The following GOLPH3L variants were observed in gnomAD, a reference collection of about 807,000 sequenced individuals.
GOLPH3L encodes Golgi phosphoprotein 3-like.
Under a neutral mutation model 30.3 loss-of-function variants are expected in GOLPH3L, and 22 were observed. The ratio of observed to expected loss-of-function variants is 0.73; its 90% CI spans 0.52 to 1.04. The LOEUF (loss-of-function observed/expected upper bound fraction) is 1.04, where lower values mean the gene tolerates loss of function less well. GOLPH3L is among the 50% of genes least tolerant of loss of function. The pLI, the probability that GOLPH3L is intolerant of heterozygous loss-of-function variation, is 0.00. For synonymous variants in GOLPH3L, 120 were observed against 128.2 expected, an observed-to-expected ratio of 0.94 and a Z score of 0.43; for missense variants, 303 against 345.8, an observed-to-expected ratio of 0.88 and a Z score of 0.98.
chr1:150,670,586 G>A (rs1476580266), intron 2 of GOLPH3L, among the ~76,000 whole-genome samples: 1 of 152,164 alleles, frequency 6.6e-6, no homozygotes, highest in Non-Finnish European at 1.5e-5. Flanking sequence ...TACAGAGCAA[G>A]ACTCTGTCTC....
At chr1:150,674,418 G>A (rs927348392) in intron 2 of GOLPH3L, among the ~76,000 whole-genome samples, 1 of 151,944 alleles carries the variant, frequency 6.6e-6, no homozygotes. Context: ...ATGTCACTAG[G>A]CCTAGCTAAT....
intron 2 of GOLPH3L, among the ~76,000 whole-genome samples, chr1:150,671,494 T>G (rs1409369920): frequency 6.6e-6 from 1 of 151,774 alleles, no homozygotes; most frequent in Non-Finnish European, 1.5e-5. Flanking sequence ...ATCTTAAAAG[T>G]TGCCTGCTTG....
intron 2 of GOLPH3L, among the ~76,000 whole-genome samples, chr1:150,692,325 A>G (rs2101822362): frequency 6.6e-6 from 1 of 152,320 alleles, no homozygotes; most frequent in South Asian, 2.1e-4. Context: ...ATGAAAGCTA[A>G]ATATTTGTTA....
chr1:150,669,000 A>C (rs1157976654), intron 2 of GOLPH3L, among the ~76,000 whole-genome samples: 1 of 152,214 alleles, frequency 6.6e-6, no homozygotes, highest in Non-Finnish European at 1.5e-5. Flanking sequence ...AGAAATGATG[A>C]AGATCAGGAT....
chr1:150,649,168 A>T (rs1437906827), intron 4 of GOLPH3L, among the ~76,000 whole-genome samples: 1 of 152,214 alleles, frequency 6.6e-6, no homozygotes, highest in Non-Finnish European at 1.5e-5. Flanking sequence ...CAGGCCTGGT[A>T]GGCTGACAAT....
At chr1:150,674,491 G>A (rs1650725201) in intron 2 of GOLPH3L, among the ~76,000 whole-genome samples, 1 of 152,024 alleles carries the variant, frequency 6.6e-6, no homozygotes, top group Non-Finnish European at 1.5e-5. Flanking sequence ...TCGAACTCCT[G>A]ACCTCAGGTG....
chr1:150,678,284 CAAAAAA>C (rs75131824), intron 2 of GOLPH3L, among the ~76,000 whole-genome samples: 9 of 45,922 alleles, frequency 2.0e-4, no homozygotes, highest in Non-Finnish European at 3.7e-4. Context: ...AACTCCGTCT[CAAAAAA>C]AAAAAAAAAA....
chr1:150,653,964 T>C (rs111609078), intron 4 of GOLPH3L, among the ~76,000 whole-genome samples: 56,849 of 150,994 alleles, frequency 0.38, 10,967 homozygotes, highest in South Asian at 0.54. Context: ...GGTTTCACCA[T>C]GTTGGCCAGG....
chr1:150,652,248 G>T (rs1650118804), intron 4 of GOLPH3L, among the ~76,000 whole-genome samples: 1 of 151,714 alleles, frequency 6.6e-6, no homozygotes, highest in African/African-American at 2.4e-5. Flanking sequence ...AGGTGTGGTG[G>T]CATGCACTTG....
intron 4 of GOLPH3L, among the ~76,000 whole-genome samples, chr1:150,653,175 CA>C (rs757485843): frequency 0.023 from 1,719 of 76,256 alleles, 21 homozygotes; most frequent in African/African-American, 0.062. Flanking sequence ...GCCAAAAAAA[CA>C]AAAAAAAAAA....
At chr1:150,679,524 C>T (rs1347674598) in intron 2 of GOLPH3L, among the ~76,000 whole-genome samples, 3 of 152,116 alleles carry the variant, frequency 2.0e-5, no homozygotes, top group African/African-American at 7.2e-5. Context: ...AAGGGCTGGG[C>T]GCAATGGCTC....
At chr1:150,694,293 T>C (rs1361745422) in intron 2 of GOLPH3L, 2 of 282,738 alleles carry the variant, frequency 7.1e-6, no homozygotes, top group Non-Finnish European at 1.4e-5. Flanking sequence ...TAAAAGACTA[T>C]TTCTCCTCAA....
intron 2 of GOLPH3L, among the ~76,000 whole-genome samples, chr1:150,671,244 GAA>G (rs879500777): frequency 8.7e-6 from 1 of 114,936 alleles, no homozygotes; most frequent in African/African-American, 3.2e-5. Context: ...TCCATCTCAA[GAA>G]AAAAAAAAAA....
Position 150,647,781 on chromosome 1 carries a change from C to T in GOLPH3L, c.*540G>A, listed in dbSNP as rs1333887160. ...TAGAAAAGGAAAGATGAGAAAATCA[C>T]TAGCAGGATATGCAATTCCAGAGAC... On this transcript the variant is annotated 3_prime_UTR_variant, in exon 5 of 5. Transcript: ENST00000271732. 1 of 152,774 alleles carries T rather than the reference C, an allele frequency of 6.5e-6. No individual in the cohort carries two copies. The highest frequency in any genetic ancestry group is 1.9e-4 in the East Asian group (1 of 5,194). 9.5% of individuals were successfully genotyped at this position (152,774 alleles called of 1,614,324 possible). A position where few individuals can be genotyped will look rare whatever the true frequency, so the allele number is the denominator to read the frequency against.
intron 2 of GOLPH3L, among the ~76,000 whole-genome samples, chr1:150,675,093 T>G (rs2101803514): frequency 6.6e-6 from 1 of 152,100 alleles, no homozygotes; most frequent in South Asian, 2.1e-4. Flanking sequence ...TTGCCCAGGC[T>G]GGTGTTGAAG....
intron 2 of GOLPH3L, among the ~76,000 whole-genome samples, chr1:150,664,168 T>C (rs1264354818): frequency 6.6e-6 from 1 of 152,018 alleles, no homozygotes; most frequent in Non-Finnish European, 1.5e-5. Flanking sequence ...CTGGCTGTTT[T>C]TAAAAAAAAT....
intron 4 of GOLPH3L, among the ~76,000 whole-genome samples, chr1:150,660,254 A>G (rs1571037684): frequency 6.6e-6 from 1 of 152,190 alleles, no homozygotes; most frequent in Non-Finnish European, 1.5e-5. Flanking sequence ...TCGGATGTCT[A>G]TAATTAAAAA....
At chr1:150,680,302 T>A (rs587747500) in intron 2 of GOLPH3L, among the ~76,000 whole-genome samples, 1 of 152,282 alleles carries the variant, frequency 6.6e-6, no homozygotes, top group African/African-American at 2.4e-5. Flanking sequence ...ACCTCAATAA[T>A]TCATCTAAAA....
Position 150,694,844 on chromosome 1 carries a change from C to G in GOLPH3L, c.-6G>C, listed in dbSNP as rs199762068. The G allele has an allele frequency of 6.3e-7, 1 of 1,590,604 alleles. No individual in the cohort carries two copies. The highest frequency in any genetic ancestry group is 1.2e-5 in the South Asian group (1 of 86,832). ...CGGTGAGTTAAAGTGGTCATTCTCA[C>G]CTGTTTCTGGAGGGAGTGGTGAAAA... is the stretch of plus-strand genomic sequence containing the variant. On this transcript the variant is annotated 5_prime_UTR_variant, in exon 2 of 5. Transcript: ENST00000271732.
Sources: allele counts gnomAD v4.1 joint callset (sites outside exome capture counted in the v4.1 genomes callset), GRCh38; gene constraint gnomAD v4.1.1; transcripts MANE v1.5; gene names NCBI Gene and HGNC (gene_info 2026-07-23, HGNC 2026-07-21).